Variants in PTPRD observed in about 807,000 individuals in gnomAD.
PTPRD encodes the protein protein tyrosine phosphatase receptor type D.
Under a neutral mutation model 214.5 loss-of-function variants are expected in PTPRD, and 34 were observed. The observed-to-expected ratio is 0.16, with a 90% CI of 0.12 to 0.21. PTPRD has a LOEUF of 0.21. Ranked by LOEUF, PTPRD falls within the 10% of genes least tolerant of loss-of-function variation. The pLI is 1.00. For missense variants in PTPRD, 2,545 were observed against 2,398.7 expected, an observed-to-expected ratio of 1.06 and a Z score of -1.27; for synonymous variants, 1,128 against 845.7, an observed-to-expected ratio of 1.33 and a Z score of -5.79.
intron 14 of PTPRD, among the ~76,000 whole-genome samples, chr9:8,577,247 GTTTGTTTA>G (rs934134717): frequency 5.9e-5 from 9 of 151,848 alleles, no homozygotes; most frequent in South Asian, 2.1e-4. Flanking sequence ...TTGTTTGTTT[GTTTGTTTA>G]TTTATTTATT....
chr9:10,290,391 C>A (rs2095493127), intron 3 of PTPRD, among the ~76,000 whole-genome samples: 1 of 151,974 alleles, frequency 6.6e-6, no homozygotes, highest in Non-Finnish European at 1.5e-5. Context: ...ACATGTAAAC[C>A]CATAAATCAG....
chr9:8,344,758 G>A (rs760196558), intron 39 of PTPRD, among the ~76,000 whole-genome samples: 2 of 151,914 alleles, frequency 1.3e-5, no homozygotes, highest in Non-Finnish European at 2.9e-5. Flanking sequence ...AGACATCAAT[G>A]GCTGTGTGTC....
At chr9:10,267,961 TTATGCTAAAAAAA>T (rs1386367204) in intron 3 of PTPRD, among the ~76,000 whole-genome samples, 6 of 152,102 alleles carry the variant, frequency 3.9e-5, no homozygotes, top group African/African-American at 7.2e-5. Flanking sequence ...TTGTCAAAAT[TTATGCTAAAAAAA>T]TATGCTAAAA....
intron 5 of PTPRD, among the ~76,000 whole-genome samples, 171 bp downstream of exon 5, chr9:9,938,334 TAA>T (rs933710167): frequency 6.6e-6 from 1 of 152,210 alleles, no homozygotes; most frequent in Non-Finnish European, 1.5e-5. Context: ...TGCATTGACC[TAA>T]AGACACTATC....
intron 4 of PTPRD, among the ~76,000 whole-genome samples, chr9:9,989,874 C>T (rs1473349411): frequency 6.6e-6 from 1 of 152,214 alleles, no homozygotes; most frequent in African/African-American, 2.4e-5. Context: ...TGCTCACCTG[C>T]ATGCTCCCTG....
At chr9:10,607,408 C>T (rs1166836140) in intron 2 of PTPRD, among the ~76,000 whole-genome samples, 1 of 151,784 alleles carries the variant, frequency 6.6e-6, no homozygotes, top group Non-Finnish European at 1.5e-5. Flanking sequence ...CTTTTGAGTA[C>T]ACCATTTTCA....
intron 4 of PTPRD, among the ~76,000 whole-genome samples, chr9:9,994,842 T>G (rs2096068034): frequency 6.6e-6 from 1 of 152,104 alleles, no homozygotes; most frequent in South Asian, 2.1e-4. Context: ...TCTAAAATAT[T>G]TTTAGGTGAG....
intron 9 of PTPRD, among the ~76,000 whole-genome samples, chr9:9,245,441 A>G (rs1490829712): frequency 6.6e-6 from 1 of 152,260 alleles, no homozygotes; most frequent in South Asian, 2.1e-4. Context: ...ATGCAGCCAT[A>G]AAAAATGATG....
chr9:9,292,578 G>C (rs1432813201), intron 9 of PTPRD, among the ~76,000 whole-genome samples: 2 of 151,302 alleles, frequency 1.3e-5, no homozygotes, highest in Non-Finnish European at 3.0e-5. Context: ...TGGTGAATTT[G>C]TCTCAATTAA....
Position 9,856,854 on chromosome 9 carries a change from A to T in PTPRD, c.-368+81653T>A, listed in dbSNP as rs533148429. Among the ~76,000 whole-genome samples the T allele has an allele frequency of 9.8e-5, 15 of 152,344 alleles. 1 individual carries two copies. The highest frequency in any genetic ancestry group is 9.8e-4 in the Admixed American group (15 of 15,300). Reference sequence around the variant, plus strand: ...ACCTCTATTGATAAGTGAGCTGAGAAGGAGAAAGGAATGTACAAGGATAAA... The same window carrying T: ...ACCTCTATTGATAAGTGAGCTGAGATGGAGAAAGGAATGTACAAGGATAAA... On this transcript the variant is annotated intron_variant, in intron 5 of 45. Transcript: ENST00000381196.
chr9:9,526,081 C>A (rs1020831696), intron 8 of PTPRD, among the ~76,000 whole-genome samples: 5 of 151,968 alleles, frequency 3.3e-5, no homozygotes, highest in Admixed American at 6.6e-5. Flanking sequence ...TGGTTTTGAA[C>A]CTTAAAAAAA....
intron 5 of PTPRD, among the ~76,000 whole-genome samples, chr9:9,844,686 T>C (rs987079811): frequency 6.6e-6 from 1 of 151,936 alleles, no homozygotes; most frequent in Non-Finnish European, 1.5e-5. Flanking sequence ...ATTTATCTTT[T>C]AGTGATCAGT....
intron 3 of PTPRD, among the ~76,000 whole-genome samples, chr9:10,110,464 T>A (rs72694882): frequency 0.057 from 8,732 of 152,106 alleles, 335 homozygotes; most frequent in Admixed American, 0.1. Flanking sequence ...CCAGCTGCCT[T>A]CCTCTCCCAA....
chr9:9,128,660 T>C (rs1216140058), intron 10 of PTPRD, among the ~76,000 whole-genome samples: 1 of 152,232 alleles, frequency 6.6e-6, no homozygotes, highest in East Asian at 1.9e-4. Flanking sequence ...TGTTCATGTA[T>C]ACAATACTTG....
chr9:8,587,277 T>C (rs1178476665), intron 14 of PTPRD, among the ~76,000 whole-genome samples: 5 of 152,228 alleles, frequency 3.3e-5, no homozygotes, highest in Admixed American at 6.5e-5. Context: ...ACTAGTGACA[T>C]GTTATGACAA....
chr9:8,713,887 C>A (rs1252412251), intron 12 of PTPRD: 3 of 1,003,598 alleles, frequency 3.0e-6, no homozygotes, highest in African/African-American at 3.3e-5. Flanking sequence ...CTCAGGAACG[C>A]CCCGGTGGAA....
intron 10 of PTPRD, among the ~76,000 whole-genome samples, chr9:9,181,438 C>T (rs1295482399): frequency 6.6e-6 from 1 of 151,612 alleles, no homozygotes; most frequent in Non-Finnish European, 1.5e-5. Context: ...TTCAAACCTG[C>T]CTGTGTGTGA....
At chr9:8,816,684 G>A (rs1402702242) in intron 11 of PTPRD, among the ~76,000 whole-genome samples, 3 of 151,956 alleles carry the variant, frequency 2.0e-5, no homozygotes, top group Admixed American at 6.6e-5. Flanking sequence ...TGGAAGAAAG[G>A]TACAAATCCT....
intron 35 of PTPRD, among the ~76,000 whole-genome samples, chr9:8,427,885 G>A (rs778348352): frequency 2.8e-4 from 42 of 151,964 alleles, no homozygotes; most frequent in Non-Finnish European, 5.6e-4. Flanking sequence ...TACATGCAAT[G>A]ATGGAGTATC....
Sources: gnomAD v4.1 joint callset for allele counts (sites outside exome capture counted in the v4.1 genomes callset) on GRCh38, gnomAD v4.1.1 for gene constraint, MANE v1.5 for transcripts, NCBI Gene and HGNC (gene_info 2026-07-23, HGNC 2026-07-21) for gene names.